Variants in CA10 observed in about 807,000 individuals in gnomAD.
The protein encoded by CA10 is carbonic anhydrase-related protein 10.
A neutral mutation model predicts 44.2 loss-of-function variants in CA10; 14 were observed. That is an observed-to-expected ratio of 0.32 (90% CI 0.21 to 0.50). The LOEUF (loss-of-function observed/expected upper bound fraction) is 0.50, where lower values mean the gene tolerates loss of function less well. CA10 is among the 20% of genes least tolerant of loss of function. The pLI is 0.99. For missense variants in CA10, 350 were observed against 409.7 expected (o/e 0.85, Z 1.26); for synonymous variants, 159 against 141.6 (o/e 1.12, Z -0.87).
chr17:52,043,845 G>A (rs1311852869), intron 2 of CA10, among the ~76,000 whole-genome samples: 2 of 151,944 alleles, frequency 1.3e-5, no homozygotes, highest in Non-Finnish European at 2.9e-5. Flanking sequence ...CTGTTATGTG[G>A]TACATCATGT....
chr17:51,944,434 T>G (rs73987324), intron 2 of CA10, among the ~76,000 whole-genome samples: 6,580 of 152,154 alleles, frequency 0.043, 169 homozygotes, highest in African/African-American at 0.078. Flanking sequence ...CAACTTATCA[T>G]CACGTAAGAA....
chr17:51,900,884 A>G (rs59117107), intron 3 of CA10, among the ~76,000 whole-genome samples: 14,955 of 152,198 alleles, frequency 0.098, 924 homozygotes, highest in African/African-American at 0.18. Flanking sequence ...TTCTTAAAAT[A>G]TTCATTTTGT....
intron 4 of CA10, among the ~76,000 whole-genome samples, chr17:51,675,669 T>C (rs185512586): frequency 1.3e-5 from 2 of 152,026 alleles, no homozygotes; most frequent in South Asian, 2.1e-4. Context: ...TGAGCCTAGA[T>C]TGCGCCACTG....
intron 6 of CA10, among the ~76,000 whole-genome samples, chr17:51,640,522 T>C (rs1913038228): frequency 6.6e-6 from 1 of 152,232 alleles, no homozygotes. Context: ...ATGTTTGTTT[T>C]CATGACTCAT....
intron 3 of CA10, among the ~76,000 whole-genome samples, chr17:51,841,117 T>C (rs1175539187): frequency 6.6e-6 from 1 of 152,188 alleles, no homozygotes; most frequent in Non-Finnish European, 1.5e-5. Context: ...CCCTTTTGTT[T>C]ACCCATAAGA....
chr17:51,840,512 C>T (rs1178648793), intron 3 of CA10, among the ~76,000 whole-genome samples: 2 of 139,072 alleles, frequency 1.4e-5, no homozygotes, highest in Non-Finnish European at 3.2e-5. Flanking sequence ...CACACACACA[C>T]ACACGTACTA....
intron 4 of CA10, among the ~76,000 whole-genome samples, chr17:51,745,553 T>C (rs2143600118): frequency 1.3e-5 from 2 of 152,262 alleles, no homozygotes; most frequent in African/African-American, 4.8e-5. Context: ...TGGTCTGGTG[T>C]AGGTCTAGGA....
At position 52,128,308 on chromosome 17, in the gene CA10, C is replaced by T. The variant is rs1225778503; in HGVS notation, c.61+29418G>A. Among the ~76,000 whole-genome samples, 5 of 152,160 alleles carry T rather than the reference C, an allele frequency of 3.3e-5. No homozygotes were observed. The South Asian group carries it at 8.3e-4, about 25-fold the overall frequency. On this transcript the variant is annotated intron_variant, in intron 1 of 8. Coordinates refer to ENST00000451037, the MANE Select transcript of CA10 (RefSeq NM_020178.5). ...ACTGAAAAATGCATGGATGAGTCAC[C>T]TCTGTCTCCAAGACCATTTCAAAAA...
intron 3 of CA10, among the ~76,000 whole-genome samples, chr17:51,814,518 G>A (rs1907493439): frequency 6.6e-6 from 1 of 152,228 alleles, no homozygotes; most frequent in South Asian, 2.1e-4. Context: ...TGTAAGTCCT[G>A]CGGTAAGGAA....
intron 1 of CA10, among the ~76,000 whole-genome samples, chr17:52,137,536 C>G (rs1989386203): frequency 1.3e-5 from 2 of 152,186 alleles, no homozygotes; most frequent in South Asian, 4.2e-4. Flanking sequence ...AACTGAAAAT[C>G]AGTTAAATAT....
chr17:52,127,256 C>T (rs1989139258), intron 1 of CA10, among the ~76,000 whole-genome samples: 1 of 152,190 alleles, frequency 6.6e-6, no homozygotes, highest in East Asian at 1.9e-4. Flanking sequence ...GTCTTGGAGA[C>T]TTTACCATGT....
intron 2 of CA10, among the ~76,000 whole-genome samples, chr17:52,018,796 T>G (rs1986047538): frequency 6.6e-6 from 1 of 152,028 alleles, no homozygotes; most frequent in South Asian, 2.1e-4. Context: ...GTATGGATAT[T>G]TTGCCATTTC....
intron 3 of CA10, among the ~76,000 whole-genome samples, chr17:51,894,958 T>C (rs947592028): frequency 3.3e-5 from 5 of 152,102 alleles, no homozygotes; most frequent in African/African-American, 1.2e-4. Flanking sequence ...CTGAGTCCCT[T>C]ATGGCAAAAT....
intron 1 of CA10, among the ~76,000 whole-genome samples, chr17:52,102,027 A>G (rs571631798): frequency 2.6e-5 from 4 of 152,260 alleles, no homozygotes; most frequent in South Asian, 2.1e-4. Flanking sequence ...ACTAAAATTT[A>G]AAATCCACAG....
chr17:51,717,416 C>T (rs1056222030), intron 4 of CA10, among the ~76,000 whole-genome samples: 3 of 151,090 alleles, frequency 2.0e-5, no homozygotes, highest in African/African-American at 7.3e-5. Context: ...GAAAAGAAGT[C>T]GTTATTCGAA....
At chr17:51,673,421 TCTC>T (rs1228211972) in intron 4 of CA10, among the ~76,000 whole-genome samples, 4 of 152,112 alleles carry the variant, frequency 2.6e-5, no homozygotes, top group African/African-American at 7.2e-5. Context: ...CTACTCCAAA[TCTC>T]CTCCTCTTCC....
At chr17:52,105,130 G>A (rs1007756781) in intron 1 of CA10, among the ~76,000 whole-genome samples, 2 of 129,394 alleles carry the variant, frequency 1.5e-5, no homozygotes, top group South Asian at 2.5e-4. Context: ...TCACTGGCCC[G>A]GGCTCAGGGA....
intron 2 of CA10, among the ~76,000 whole-genome samples, chr17:52,013,372 T>G (rs951683521): frequency 6.6e-5 from 10 of 151,126 alleles, no homozygotes; most frequent in African/African-American, 2.2e-4. Flanking sequence ...GAACAAGACC[T>G]CCTATGGGAA....
At chr17:51,832,368 T>G (rs142238326) in intron 3 of CA10, among the ~76,000 whole-genome samples, 38 of 152,250 alleles carry the variant, frequency 2.5e-4, no homozygotes, top group Middle Eastern at 3.4e-3. Context: ...CCCGGTAATT[T>G]TAGAATAGAG....
Sources: gnomAD v4.1 joint callset for allele counts (sites outside exome capture counted in the v4.1 genomes callset) on GRCh38, gnomAD v4.1.1 for gene constraint, MANE v1.5 for transcripts, NCBI Gene and HGNC (gene_info 2026-07-23, HGNC 2026-07-21) for gene names.